The following GATB variants were observed in gnomAD, a reference collection of about 807,000 sequenced individuals.
GATB encodes the protein glutamyl-tRNA(Gln) amidotransferase subunit B, mitochondrial.
GATB carries 39 observed loss-of-function variants against 62.3 expected under a neutral mutation model. The ratio of observed to expected loss-of-function variants is 0.63; its 90% CI spans 0.48 to 0.82. The LOEUF (loss-of-function observed/expected upper bound fraction) is 0.82. GATB is among the 40% of genes least tolerant of loss of function. The pLI is 0.00. For missense variants in GATB, 670 were observed against 684.0 expected, an observed-to-expected ratio of 0.98 and a Z score of 0.23; for synonymous variants, 276 against 258.9, an observed-to-expected ratio of 1.07 and a Z score of -0.63.
In GATB at chr4:151,701,369, T is replaced by C. The variant is rs770765019; in HGVS notation, c.1157A>G (p.Gln386Arg). ...GTGTTCCAGCAGCATCCCATACTGTTGGACAAGCTTCTCTCGGGTCACACT... is the reference window on the plus strand; with the variant it reads ...GTGTTCCAGCAGCATCCCATACTGTCGGACAAGCTTCTCTCGGGTCACACT... ...LPSVTREKLV[Q>R]QYGMLLEHSF... Residue 386 changes from glutamine (Q) to arginine (R), a missense_variant, in exon 9 of 13, where the codon CAA becomes CGA. Transcript: ENST00000263985. 9.4e-6 allele frequency: 15 copies of C among 1,591,148 alleles called. No individual in the cohort carries two copies. The highest frequency in any genetic ancestry group is 1.3e-5 in the Non-Finnish European group (15 of 1,168,662).
Position 151,716,024 on chromosome 4 carries a change from G to T in GATB, c.748C>A (p.Gln250Lys). ...QLILQALGTS[Q>K]ANMAEGQLRV... ...TGGCTTCTACCTGCCATGTTCGCCT[G>T]GCTGGTCCCCAGGGCTTGAAGGATC... The change falls in exon 5 of 13, where the codon CAG (glutamine) becomes AAG (lysine). Residue 250 changes from glutamine to lysine, a missense_variant. By Grantham distance (53) the Gln-to-Lys change is moderately conservative. Coordinates refer to ENST00000263985, the MANE Select transcript of GATB (RefSeq NM_004564.3). 1 of 1,613,904 alleles carries T rather than the reference G, an allele frequency of 6.2e-7. No homozygotes were observed.
At chr4:151,721,994 A>G in intron 2 of GATB, 1 of 570,562 alleles carries the variant, frequency 1.8e-6, no homozygotes, top group Non-Finnish European at 3.1e-6. Context: ...ATGATTTAGA[A>G]GCCATGAAGT....
intron 2 of GATB, among the ~76,000 whole-genome samples, chr4:151,735,076 A>G (rs564024619): frequency 3.9e-5 from 6 of 152,304 alleles, no homozygotes; most frequent in African/African-American, 1.4e-4. Flanking sequence ...GCAAAGATAA[A>G]TAGCTGGGAC....
At chr4:151,757,784 G>A (rs981143152) in intron 2 of GATB, among the ~76,000 whole-genome samples, 1 of 152,064 alleles carries the variant, frequency 6.6e-6, no homozygotes, top group Non-Finnish European at 1.5e-5. Flanking sequence ...GCCTCAACCA[G>A]CTTCCACTCT....
At chr4:151,737,542 C>A (rs796877060) in intron 2 of GATB, among the ~76,000 whole-genome samples, 16 of 152,314 alleles carry the variant, frequency 1.1e-4, no homozygotes, top group African/African-American at 3.6e-4. Context: ...TTGAAGCCAG[C>A]TGCATAAATC....
chr4:151,679,745 T>C, intron 11 of GATB, 68 bp downstream of exon 11: 6 of 1,271,532 alleles, frequency 4.7e-6, no homozygotes, highest in South Asian at 1.2e-5. Flanking sequence ...GTGATGGCAT[T>C]TGGGTGTCAC....
chr4:151,738,070 C>T (rs956758264), intron 2 of GATB, among the ~76,000 whole-genome samples: 1 of 152,170 alleles, frequency 6.6e-6, no homozygotes, highest in Non-Finnish European at 1.5e-5. Context: ...GGCCACCTTC[C>T]TCCAGACCCC....
intron 2 of GATB, among the ~76,000 whole-genome samples, chr4:151,752,667 T>C (rs1040754196): frequency 1.3e-5 from 2 of 152,204 alleles, no homozygotes; most frequent in African/African-American, 4.8e-5. Context: ...CCTTCCCTTA[T>C]CTCTCTGAGG....
chr4:151,728,684 C>A (rs1034024131), intron 2 of GATB, among the ~76,000 whole-genome samples: 4 of 152,170 alleles, frequency 2.6e-5, no homozygotes, highest in African/African-American at 9.7e-5. Context: ...TATTTCACAT[C>A]ACTGAAACCT....
intron 9 of GATB, among the ~76,000 whole-genome samples, chr4:151,699,217 G>T (rs1306164330): frequency 6.6e-6 from 1 of 151,840 alleles, no homozygotes; most frequent in Non-Finnish European, 1.5e-5. Flanking sequence ...GCAAAACCCT[G>T]TCTCTACTAA....
Position 151,670,648 on chromosome 4 carries a change from CAAAT to C in GATB, c.*522_*525del, listed in dbSNP as rs1737833093. 2.0e-5 allele frequency: 3 copies of C among 152,434 alleles called. No individual in the cohort carries two copies. The highest frequency in any genetic ancestry group is 3.9e-4 in the East Asian group (2 of 5,184). 9.4% of individuals were successfully genotyped at this position (152,434 alleles called of 1,614,324 possible). On this transcript the variant is annotated 3_prime_UTR_variant, in exon 13 of 13. Transcript: ENST00000263985. ...CCCTCTTGAGACCTCCTTAAACAAA[CAAAT>C]GTGTTTATACTGTGCCAGTTTATTT... is the stretch of plus-strand genomic sequence containing the variant.
intron 10 of GATB, among the ~76,000 whole-genome samples, chr4:151,681,139 C>A (rs923785472): frequency 1.3e-5 from 2 of 152,216 alleles, no homozygotes; most frequent in Non-Finnish European, 2.9e-5. Flanking sequence ...AAGGAAACTA[C>A]AGCTTAGTCC....
At chr4:151,710,212 A>C (rs1390891403) in intron 5 of GATB, among the ~76,000 whole-genome samples, 2 of 152,206 alleles carry the variant, frequency 1.3e-5, no homozygotes, top group Non-Finnish European at 2.9e-5. Flanking sequence ...CTGAGGACTG[A>C]GCCAGATTTT....
intron 11 of GATB, 171 bp from the exon 12 acceptor site, chr4:151,673,067 C>CCAACGCTCTGGCAG: frequency 1.3e-6 from 1 of 742,336 alleles, no homozygotes; most frequent in Non-Finnish European, 2.1e-6. Context: ...CCTGCCAGAG[C>CCAACGCTCTGGCAG]GTTGGCTCTC....
chr4:151,750,332 A>G (rs1232402648), intron 2 of GATB, among the ~76,000 whole-genome samples: 1 of 152,026 alleles, frequency 6.6e-6, no homozygotes, highest in Non-Finnish European at 1.5e-5. Flanking sequence ...CTCGTTTGGT[A>G]TTTATCTTCC....
chr4:151,729,280 A>C (rs192017249), intron 2 of GATB, among the ~76,000 whole-genome samples: 1 of 152,290 alleles, frequency 6.6e-6, no homozygotes, highest in Admixed American at 6.5e-5. Flanking sequence ...TGTCAATGTC[A>C]TGAAGAAAGG....
intron 2 of GATB, among the ~76,000 whole-genome samples, chr4:151,742,081 A>T (rs897959034): frequency 1.3e-4 from 18 of 139,164 alleles, no homozygotes; most frequent in Non-Finnish European, 1.5e-5. Flanking sequence ...ATGGGAAGGG[A>T]GGGATATGGT....
In GATB at chr4:151,760,833, G is replaced by A. The variant is rs752131194; in HGVS notation, c.150C>T (p.Leu50=). 1.6e-5 allele frequency: 25 copies of A among 1,610,846 alleles called. No homozygotes were observed. The highest frequency in any genetic ancestry group is 2.0e-5 in the Non-Finnish European group (23 of 1,178,486). Reference sequence around the variant, plus strand: ...CTTTCCTCGTCTTCTGGGCCGTGTGGAGGGGCTGCTGAGCCACTGAGCTCT... The same window carrying A: ...CTTTCCTCGTCTTCTGGGCCGTGTGAAGGGGCTGCTGAGCCACTGAGCTCT... The part of the protein sequence containing the change: ...RGESSVAQQP[L]HTAQKTRKGE... Residue 50 remains leucine, a synonymous_variant, in exon 1 of 13, where the codon CTC becomes CTT. Coordinates refer to ENST00000263985, the MANE Select transcript of GATB (RefSeq NM_004564.3).
intron 6 of GATB, among the ~76,000 whole-genome samples, chr4:151,706,053 T>C (rs1054989779): frequency 3.9e-5 from 6 of 152,294 alleles, no homozygotes; most frequent in African/African-American, 1.4e-4. Context: ...TGCCCAAACC[T>C]AAACCCTTTT....
Sources: allele counts gnomAD v4.1 joint callset (sites outside exome capture counted in the v4.1 genomes callset), GRCh38; gene constraint gnomAD v4.1.1; transcripts MANE v1.5; gene names NCBI Gene and HGNC (gene_info 2026-07-23, HGNC 2026-07-21).